Variants in SLC49A3 observed in about 807,000 individuals in gnomAD.
The protein encoded by SLC49A3 is solute carrier family 49 member 3, also known as solute carrier family 49 member A3.
A neutral mutation model predicts 43.8 loss-of-function variants in SLC49A3; 50 were observed. That is an observed-to-expected ratio of 1.14 (90% CI 0.91 to 1.45). The LOEUF is 1.45. SLC49A3 is among the 40% of genes most tolerant of loss of function. SLC49A3 has a pLI of 0.00. For synonymous variants in SLC49A3, 413 were observed against 352.0 expected, an observed-to-expected ratio of 1.17 and a Z score of -1.94; for missense variants, 906 against 774.1, an observed-to-expected ratio of 1.17 and a Z score of -2.02.
chr4:682,133 C>T lies in SLC49A3; in HGVS notation c.1505G>A (p.Arg502Lys), dbSNP rs1454602186. The change falls in exon 10 of 10, where the codon AGA becomes AAA. Residue 502 changes from arginine (R) to lysine (K), a missense_variant. Physicochemically the swap from Arg to Lys is conservative, Grantham distance 26. Transcript: ENST00000322224. Reference protein sequence around the residue: ...TARGASLEDPRGPGSPHPACH... With the variant: ...TARGASLEDPKGPGSPHPACH... ...GGCTGGGTGGGGGCTCCCGGGCCCT[C>T]TGGGGTCCTCTAGCGAGGCCCCCCT... The T allele has an allele frequency of 1.5e-6, 2 of 1,346,798 alleles. No homozygotes were observed. The highest frequency in any genetic ancestry group is 1.9e-6 in the Non-Finnish European group (2 of 1,037,546). 83.4% of individuals were successfully genotyped at this position (1,346,798 alleles called of 1,614,324 possible). A position where few individuals can be genotyped will look rare whatever the true frequency, so the allele number is the denominator to read the frequency against.
chr4:678,253 G>A (rs147372846), downstream of SLC49A3: 93 of 1,473,476 alleles, frequency 6.3e-5, no homozygotes, highest in East Asian at 1.8e-4. Context: ...CGTGCCTCAC[G>A]TTGCTCTCCT....
downstream of SLC49A3, chr4:677,887 A>T: frequency 6.9e-7 from 1 of 1,446,432 alleles, no homozygotes; most frequent in Non-Finnish European, 9.7e-7. Context: ...GCAGCTGTCC[A>T]GTCCCCTGGG....
At position 689,079 on chromosome 4, in the gene SLC49A3, G is replaced by A. The variant is rs1363045561; in HGVS notation, c.49C>T (p.Leu17=). The A allele has an allele frequency of 4.5e-6, 7 of 1,551,010 alleles. No individual in the cohort carries two copies. Among genetic ancestry groups the A allele is most frequent in the Non-Finnish European group, 6.1e-6 (7 of 1,155,912 alleles). ...AETGLAEPRA[L]CAQRGHRTYA... ...GTGCGGTGGCCCCGCTGCGCGCACA[G>A]GGCCCGGGGCTCGGCCAACCCCGTC... The change falls in exon 1 of 10, where the codon CTG becomes TTG. Residue 17 remains leucine (L), a synonymous_variant. Coordinates refer to ENST00000322224, the MANE Select transcript of SLC49A3 (RefSeq NM_032219.4).
chr4:682,885 G>T lies in SLC49A3; in HGVS notation c.1157C>A (p.Ala386Asp). The T allele has an allele frequency of 6.3e-7, 1 of 1,591,364 alleles. No homozygotes were observed. Residue 386 changes from alanine (A) to aspartate (D), a missense_variant, in exon 9 of 10, where the codon GCC (alanine) becomes GAC (aspartate). Coordinates refer to ENST00000322224, the MANE Select transcript of SLC49A3 (RefSeq NM_032219.4). The part of the protein sequence containing the change: ...ATGMIFVLGQ[A>D]EGILIMLAMT... ...TGCCAGCATGATGAGTATTCCCTCG[G>T]CCTGCCTGGACACACGTGGCCCTCA...
At chr4:677,040 GC>G, downstream of SLC49A3, 1 of 525,886 alleles carries the variant, frequency 1.9e-6, no homozygotes, top group Non-Finnish European at 2.4e-6. Flanking sequence ...ACACGGTGGC[GC>G]CCCCAGGGAT....
chr4:685,751 C>G lies in SLC49A3; in HGVS notation c.585+84G>C, dbSNP rs932164346. ...GGAATCACACACGGGCACAGGAACA[C>G]GGACACACTTGGGATCAGGAACACA... On this transcript the variant is annotated intron_variant, in intron 4 of 9. Coordinates refer to ENST00000322224, the MANE Select transcript of SLC49A3 (RefSeq NM_032219.4). The surrounding 1 kb of genome is among the most constrained non-coding windows in gnomAD (Gnocchi z 4.3). The G allele has an allele frequency of 1.4e-6, 2 of 1,434,844 alleles. No individual in the cohort carries two copies. The highest frequency in any genetic ancestry group is 1.7e-5 in the Admixed American group (1 of 57,380). 88.9% of individuals were successfully genotyped at this position (1,434,844 alleles called of 1,614,324 possible). A position where few individuals can be genotyped will look rare whatever the true frequency, so the allele number is the denominator to read the frequency against.
downstream of SLC49A3, chr4:678,751 CAGG>C: frequency 8.1e-6 from 13 of 1,610,950 alleles, no homozygotes; most frequent in Non-Finnish European, 1.1e-5. Context: ...GACTCAGATC[CAGG>C]AGTTCAAGGA....
chr4:681,923 G>T lies in SLC49A3; in HGVS notation c.*35C>A, dbSNP rs763972713. 7.6e-7 allele frequency: 1 copy of T among 1,319,612 alleles called. No homozygotes were observed. Among genetic ancestry groups the T allele is most frequent in the South Asian group, 2.7e-5 (1 of 36,862 alleles). 81.7% of individuals were successfully genotyped at this position (1,319,612 alleles called of 1,614,324 possible). On this transcript the variant is annotated 3_prime_UTR_variant, in exon 10 of 10. Coordinates refer to ENST00000322224, the MANE Select transcript of SLC49A3 (RefSeq NM_032219.4). ...CCAGATGTTCCAGTTCGCCTCCATC[G>T]ATGTGGCGGGCAACCTGGACTACAA...
chr4:680,751 G>A, downstream of SLC49A3: 1 of 734,140 alleles, frequency 1.4e-6, no homozygotes, highest in Middle Eastern at 2.9e-4. Context: ...TGAGTGGGAG[G>A]CCAGCCCTGC....
At chr4:691,280 C>T (rs1443694011), upstream of SLC49A3, among the ~76,000 whole-genome samples, 2 of 37,848 alleles carry the variant, frequency 5.3e-5, no homozygotes, top group African/African-American at 7.9e-5. Flanking sequence ...GAGACTCTGT[C>T]TCAAAAAAAA....
downstream of SLC49A3, among the ~76,000 whole-genome samples, chr4:679,629 G>A (rs1025065157): frequency 6.6e-6 from 1 of 152,162 alleles, no homozygotes; most frequent in African/African-American, 2.4e-5. Flanking sequence ...CCTTCCTCTC[G>A]GCCCTGCTTA....
At chr4:677,900 A>G, downstream of SLC49A3, 1 of 1,519,106 alleles carries the variant, frequency 6.6e-7, no homozygotes, top group Non-Finnish European at 9.1e-7. Flanking sequence ...CCCCTGGGGT[A>G]GCCCCAAGCC....
chr4:681,216 G>C (rs946031517), downstream of SLC49A3: 62 of 1,529,080 alleles, frequency 4.1e-5, 1 homozygote, highest in South Asian at 6.9e-4. Context: ...GGAGGGGGAC[G>C]CGGAGCCCGA....
upstream of SLC49A3, chr4:689,255 T>A (rs1577377828): frequency 9.4e-6 from 5 of 531,070 alleles, no homozygotes; most frequent in Non-Finnish European, 1.4e-5. Context: ...GGGGGCCAGT[T>A]CCGCCCCAAG....
downstream of SLC49A3, among the ~76,000 whole-genome samples, chr4:681,327 C>A (rs1206817016): frequency 2.0e-5 from 3 of 152,082 alleles, no homozygotes; most frequent in Non-Finnish European, 2.9e-5. Flanking sequence ...ATCAGGTCAG[C>A]GGTTGGAGAC....
chr4:680,588 G>A (rs1472635330), downstream of SLC49A3: 2 of 1,612,474 alleles, frequency 1.2e-6, no homozygotes, highest in South Asian at 2.2e-5. Context: ...ACAAGGAGTA[G>A]TGAGTGCCCG....
chr4:686,947 C>T (rs1308234736), intron 1 of SLC49A3, among the ~76,000 whole-genome samples: 3 of 152,246 alleles, frequency 2.0e-5, no homozygotes, highest in Non-Finnish European at 2.9e-5. Flanking sequence ...AAGGACCTGG[C>T]CAGAGCCCAC....
downstream of SLC49A3, chr4:681,187 CTCCCGGGGTCA>C: frequency 1.9e-6 from 3 of 1,575,064 alleles, no homozygotes; most frequent in Non-Finnish European, 2.6e-6. Context: ...GAGGGCGGGG[CTCCCGGGGTCA>C]GCTGGGTGGA....
At position 683,366 on chromosome 4, in the gene SLC49A3, A is replaced by T. The variant is rs1740237868; in HGVS notation, c.995T>A (p.Val332Glu). The T allele has an allele frequency of 1.2e-6, 2 of 1,607,340 alleles. No individual in the cohort carries two copies. Among genetic ancestry groups the T allele is most frequent in the Non-Finnish European group, 1.7e-6 (2 of 1,176,836 alleles). Reference protein sequence around the residue: ...FSLACVPFALVSQLQGQTLAL... With the variant: ...FSLACVPFALESQLQGQTLAL... ...AAGGGTCTGTCCCTGCAGCTGGGAC[A>T]CCTGGGAGCAGCGGAACGGCAGGCA... is the stretch of plus-strand genomic sequence containing the variant. The change falls in exon 8 of 10, where the codon GTG becomes GAG. Residue 332 changes from valine (V) to glutamate (E), a missense_variant and splice_region_variant. Val to Glu is a moderately radical substitution (Grantham distance 121). Transcript: ENST00000322224.
Sources: gnomAD v4.1 joint callset for allele counts (sites outside exome capture counted in the v4.1 genomes callset) on GRCh38, gnomAD v4.1.1 for gene constraint, Gnocchi (gnomAD v3.1) non-coding constraint, MANE v1.5 for transcripts, NCBI Gene and HGNC (gene_info 2026-07-23, HGNC 2026-07-21) for gene names.